VPS13C: variants seen among roughly 807,000 people sequenced by gnomAD.
The protein encoded by VPS13C is intermembrane lipid transfer protein VPS13C.
VPS13C carries 358 observed loss-of-function variants against 456.8 expected under a neutral mutation model. The ratio of observed to expected loss-of-function variants is 0.78; its 90% CI spans 0.72 to 0.86. The LOEUF (loss-of-function observed/expected upper bound fraction) is 0.86, where lower values mean the gene tolerates loss of function less well. Ranked by LOEUF, VPS13C falls within the 40% of genes least tolerant of loss-of-function variation. The probability of loss-of-function intolerance (pLI) is 0.00; values close to 1 mark genes in which losing one functional copy is unlikely to be tolerated. For missense variants in VPS13C, 4,818 were observed against 4,385.4 expected (o/e 1.10, Z -2.79); for synonymous variants, 1,578 against 1,486.7 (o/e 1.06, Z -1.41).
intron 65 of VPS13C, among the ~76,000 whole-genome samples, chr15:61,908,591 T>C (rs1453819678): frequency 1.3e-5 from 2 of 152,054 alleles, no homozygotes; most frequent in East Asian, 3.9e-4. Flanking sequence ...TAGGAAGAGG[T>C]TCACTGAGCG....
chr15:62,025,238 A>G (rs2047597721), intron 6 of VPS13C, among the ~76,000 whole-genome samples: 1 of 152,084 alleles, frequency 6.6e-6, no homozygotes, highest in East Asian at 1.9e-4. Context: ...TTCTTCCTTG[A>G]TTTTTAAAAG....
In VPS13C at chr15:61,867,585, T is replaced by C. The variant is rs1894681973; in HGVS notation, c.10863+1074A>G. The C allele has an allele frequency of 9.7e-7, 1 of 1,033,244 alleles. No individual in the cohort carries two copies. Among genetic ancestry groups the C allele is most frequent in the Non-Finnish European group, 1.2e-6 (1 of 862,260 alleles). The allele number at this position is 1,033,244 out of a possible 1,614,324, so 64.0% of individuals were successfully genotyped here. On this transcript the variant is annotated intron_variant, in intron 81 of 84. Transcript: ENST00000644861. This position sits in a 1 kb window ranked among gnomAD's most constrained non-coding sequence, Gnocchi z 5.0. ...AATTGTCCTGTTTTTCAATTTTACC[T>C]GAAATGCACATGAACACCATAAGAT...
chr15:61,915,675 A>C lies in VPS13C; in HGVS notation c.8403T>G (p.Ile2801Met), dbSNP rs746723837. 4.4e-6 allele frequency: 7 copies of C among 1,602,974 alleles called. No homozygotes were observed. Among genetic ancestry groups the C allele is most frequent in the Non-Finnish European group, 5.1e-6 (6 of 1,177,380 alleles). The change falls in exon 61 of 85, where the codon ATT becomes ATG. Residue 2801 changes from isoleucine to methionine, a missense_variant. This residue lies in a region of VPS13C where 4,552 missense variants were observed against 4,130.6 expected (regional missense o/e 1.10). Coordinates refer to ENST00000644861, the MANE Select transcript of VPS13C (RefSeq NM_020821.3). ...TGTTCTTCTTCTTGAAAGAAAATAA[A>C]ATAATATCCCTGAAATCAGCTGGAT... is the stretch of plus-strand genomic sequence containing the variant. ...VKHPADFRDIILFSFKKKNIF... is the reference protein window; with the variant it reads ...VKHPADFRDIMLFSFKKKNIF...
chr15:61,973,785 A>T (rs2140357889), intron 25 of VPS13C, among the ~76,000 whole-genome samples: 1 of 152,294 alleles, frequency 6.6e-6, no homozygotes, highest in Middle Eastern at 3.4e-3. Flanking sequence ...CTAGTAAGTT[A>T]GTCTATTATT....
At chr15:61,899,531 C>T (rs866224194) in intron 66 of VPS13C, among the ~76,000 whole-genome samples, 5 of 151,532 alleles carry the variant, frequency 3.3e-5, no homozygotes, top group African/African-American at 7.3e-5. Context: ...ATAAATTCCT[C>T]GACACATACA....
chr15:62,043,360 C>G (rs993187890), intron 2 of VPS13C, among the ~76,000 whole-genome samples: 4 of 152,208 alleles, frequency 2.6e-5, no homozygotes, highest in African/African-American at 9.6e-5. Context: ...AATCCCAACA[C>G]TTTGGGAGGC....
At position 62,007,347 on chromosome 15, in the gene VPS13C, T is replaced by C. The variant is rs1469006971; in HGVS notation, c.1251A>G (p.Thr417=). 1.2e-6 allele frequency: 2 copies of C among 1,612,474 alleles called. No individual in the cohort carries two copies. Among genetic ancestry groups the C allele is most frequent in the Admixed American group, 1.7e-5 (1 of 59,852 alleles). The stretch of plus-strand genomic sequence containing the variant: ...GTATTTCTTCTGAGACTTTAGACTG[T>C]GTTAACTTGTTTTTGTAGGCAATTT... ...SYKIAYKNKL[T]QSKVSEEIQK... Residue 417 remains threonine (T), a synonymous_variant, in exon 15 of 85, where the codon ACA becomes ACG. Transcript: ENST00000644861.
chr15:61,907,105 A>C lies in VPS13C; in HGVS notation c.9105+159T>G, dbSNP rs540292733. ...AGAGCTAAGGTAATATACTGGTTTG[A>C]ACTACAGTATTTGCCATCTAAAGTC... On this transcript the variant is annotated intron_variant, in intron 66 of 84. Coordinates refer to ENST00000644861, the MANE Select transcript of VPS13C (RefSeq NM_020821.3). 113 of 934,094 alleles carry C rather than the reference A, an allele frequency of 1.2e-4. No individual in the cohort carries two copies. The African/African-American group carries it at 1.7e-3, about 14-fold the overall frequency. 57.9% of individuals were successfully genotyped at this position (934,094 alleles called of 1,614,324 possible).
At chr15:61,963,401 T>A (rs976319325) in intron 32 of VPS13C, among the ~76,000 whole-genome samples, 7 of 151,948 alleles carry the variant, frequency 4.6e-5, no homozygotes, top group African/African-American at 1.7e-4. Context: ...ATTGTCACCA[T>A]TATAAGATTG....
intron 12 of VPS13C, 70 bp downstream of exon 12, chr15:62,012,037 T>G: frequency 1.0e-6 from 1 of 953,694 alleles, no homozygotes; most frequent in South Asian, 1.5e-5. Flanking sequence ...ATCAGAAAAC[T>G]ATGTTAAAAT....
chr15:62,029,051 G>A (rs2047728882), intron 5 of VPS13C, among the ~76,000 whole-genome samples: 1 of 152,006 alleles, frequency 6.6e-6, no homozygotes, highest in South Asian at 2.1e-4. Flanking sequence ...ACCCCCGCTG[G>A]CTATGGATGA....
intron 28 of VPS13C, among the ~76,000 whole-genome samples, chr15:61,968,449 A>G (rs1413632616): frequency 6.6e-6 from 1 of 152,088 alleles, no homozygotes; most frequent in Non-Finnish European, 1.5e-5. Context: ...TATATAAGGA[A>G]CTTGAGCACC....
intron 16 of VPS13C, among the ~76,000 whole-genome samples, chr15:61,996,990 C>CAT (rs1416476981): frequency 1.4e-5 from 2 of 139,924 alleles, no homozygotes; most frequent in African/African-American, 6.0e-5. Context: ...ATATATTTTA[C>CAT]ATACATACAT....
chr15:61,863,359 C>T (rs967718914), intron 82 of VPS13C, 81 bp downstream of exon 82: 3 of 1,041,924 alleles, frequency 2.9e-6, no homozygotes, highest in Non-Finnish European at 4.3e-6. Flanking sequence ...TTTTCCAACT[C>T]TTCTGCCATT....
chr15:61,942,105 T>C, intron 45 of VPS13C, 38 bp from the exon 46 acceptor site: 2 of 1,505,830 alleles, frequency 1.3e-6, no homozygotes, highest in Non-Finnish European at 1.8e-6. Flanking sequence ...AAAAAAGGCA[T>C]TTATTTTTAA....
rs970683740 is a variant in VPS13C at position 61,924,056 on chromosome 15, C to G, written c.6610-1294G>C. On this transcript the variant is annotated intron_variant, in intron 53 of 84. Transcript: ENST00000644861. ...AATTTTTTGTATTTTTTAGTAGAGA[C>G]GGGGTTTCACCGTTTTAGCCGGGAT... 8.6e-5 allele frequency among the ~76,000 whole-genome samples: 13 copies of G among 151,094 alleles called. 1 individual carries two copies. The East Asian group carries it at 2.5e-3, about 30-fold the overall frequency.
At chr15:61,981,045 T>C (rs1448155021) in intron 22 of VPS13C, among the ~76,000 whole-genome samples, 3 of 152,208 alleles carry the variant, frequency 2.0e-5, no homozygotes, top group African/African-American at 4.8e-5. Context: ...AATAACACTG[T>C]ATAATTAAGC....
chr15:62,059,687 T>C (rs2048924626), intron 1 of VPS13C, among the ~76,000 whole-genome samples: 1 of 152,190 alleles, frequency 6.6e-6, no homozygotes, highest in Admixed American at 6.5e-5. Flanking sequence ...GAAGAAATCA[T>C]TTTCACAGGA....
At chr15:61,876,829 T>A (rs936439222) in intron 75 of VPS13C, 144 bp downstream of exon 75, 1 of 541,228 alleles carries the variant, frequency 1.8e-6, no homozygotes, top group African/African-American at 2.0e-5. Flanking sequence ...AAACAGAAAT[T>A]AATCATTGAA....
Sources: gnomAD v4.1 joint callset for allele counts (sites outside exome capture counted in the v4.1 genomes callset) on GRCh38, gnomAD v4.1.1 for gene constraint, gnomAD v4.1.1 regional missense constraint, Gnocchi (gnomAD v3.1) non-coding constraint, MANE v1.5 for transcripts, NCBI Gene and HGNC (gene_info 2026-07-23, HGNC 2026-07-21) for gene names.